Variants in ENOX1 observed in about 807,000 individuals in gnomAD.
ENOX1 encodes candidate growth-related and time keeping constitutive hydroquinone (NADH) oxidase.
A neutral mutation model predicts 82.5 loss-of-function variants in ENOX1; 42 were observed. The ratio of observed to expected loss-of-function variants is 0.51; its 90% CI spans 0.40 to 0.66. ENOX1 has a LOEUF of 0.66. ENOX1 is among the 30% of genes least tolerant of loss of function. The pLI is 0.00. For missense variants in ENOX1, 608 were observed against 811.6 expected (o/e 0.75, Z 3.05); for synonymous variants, 271 against 282.2 (o/e 0.96, Z 0.40).
At chr13:43,235,895 G>A (rs1214539552) in intron 15 of ENOX1, among the ~76,000 whole-genome samples, 1 of 152,162 alleles carries the variant, frequency 6.6e-6, no homozygotes, top group Non-Finnish European at 1.5e-5. Flanking sequence ...CAGTGCCAAG[G>A]TGCAGCTTGA....
At chr13:43,350,827 G>A (rs542408688) in intron 8 of ENOX1, among the ~76,000 whole-genome samples, 54 of 152,230 alleles carry the variant, frequency 3.5e-4, no homozygotes, top group Non-Finnish European at 5.6e-4. Flanking sequence ...GAGCCAAGCC[G>A]GGAGCACTGA....
At position 43,416,199 on chromosome 13, in the gene ENOX1, C is replaced by T. The variant is rs1485793792; in HGVS notation, c.-74-3211G>A. 1.8e-3 allele frequency among the ~76,000 whole-genome samples: 222 copies of T among 122,010 alleles called. 7 individuals are homozygous for T. Among genetic ancestry groups the T allele is most frequent in the Middle Eastern group, 7.5e-3 (1 of 134 alleles). The allele number at this position is 122,010 out of a possible 152,430, so 80.0% of individuals were successfully genotyped here. ...ACAGAAGCGCTCCTCACATCCCAGA[C>T]GGGGCGGCTGGGCAGAGGCGCTCCT... On this transcript the variant is annotated intron_variant, in intron 3 of 16. Transcript: ENST00000690772.
At chr13:43,321,595 G>GTA (rs763335700) in intron 11 of ENOX1, among the ~76,000 whole-genome samples, 1 of 152,202 alleles carries the variant, frequency 6.6e-6, no homozygotes, top group Non-Finnish European at 1.5e-5. Context: ...TCTAACAGGT[G>GTA]TATGTTTTAT....
intron 1 of ENOX1, among the ~76,000 whole-genome samples, chr13:43,762,011 A>G (rs1364804631): frequency 6.6e-6 from 1 of 152,160 alleles, no homozygotes; most frequent in African/African-American, 2.4e-5. Flanking sequence ...TGGTACAAGG[A>G]GAAGGGTAAT....
At chr13:43,427,263 C>T (rs7990325) in intron 3 of ENOX1, among the ~76,000 whole-genome samples, 147,522 of 152,308 alleles carry the variant, frequency 0.97, 71,621 homozygotes, top group East Asian at 1. Flanking sequence ...GCTCCCTATA[C>T]AGCAGTCACT....
At chr13:43,503,407 A>G (rs1282588951) in intron 2 of ENOX1, among the ~76,000 whole-genome samples, 2 of 151,930 alleles carry the variant, frequency 1.3e-5, no homozygotes, top group East Asian at 3.9e-4. Context: ...ATATGAAACC[A>G]TAAAAGACCC....
At chr13:43,291,321 A>G (rs1593742341) in intron 12 of ENOX1, among the ~76,000 whole-genome samples, 1 of 152,314 alleles carries the variant, frequency 6.6e-6, no homozygotes. Flanking sequence ...GCTCTGGACC[A>G]TTAGTCCTGC....
intron 3 of ENOX1, among the ~76,000 whole-genome samples, chr13:43,463,182 T>A (rs1489834873): frequency 8.6e-6 from 1 of 115,882 alleles, no homozygotes; most frequent in African/African-American, 3.4e-5. Flanking sequence ...GCATCTAACC[T>A]TTATACACAC....
At chr13:43,613,888 C>T (rs1328036893) in intron 2 of ENOX1, among the ~76,000 whole-genome samples, 1 of 152,028 alleles carries the variant, frequency 6.6e-6, no homozygotes, top group African/African-American at 2.4e-5. Flanking sequence ...CCGCCGAGAT[C>T]ATGCCACTGC....
chr13:43,776,910 T>C (rs1424222913), intron 1 of ENOX1, among the ~76,000 whole-genome samples: 1 of 151,902 alleles, frequency 6.6e-6, no homozygotes. Context: ...GCCAGCTGAC[T>C]CAGAAATCTG....
chr13:43,619,846 T>C (rs950319544), intron 2 of ENOX1, among the ~76,000 whole-genome samples: 2 of 152,170 alleles, frequency 1.3e-5, no homozygotes, highest in African/African-American at 4.8e-5. Context: ...CTTCTTTGAA[T>C]GCCTGGTAGA....
intron 1 of ENOX1, among the ~76,000 whole-genome samples, chr13:43,708,053 C>A (rs1391498303): frequency 6.6e-6 from 1 of 151,976 alleles, no homozygotes; most frequent in African/African-American, 2.4e-5. Context: ...AGGCAGTTTC[C>A]CAGTAGATAG....
intron 1 of ENOX1, among the ~76,000 whole-genome samples, chr13:43,683,202 T>C (rs1428425145): frequency 6.6e-6 from 1 of 152,088 alleles, no homozygotes; most frequent in African/African-American, 2.4e-5. Flanking sequence ...AGCAATTATT[T>C]GGGGGTGAGC....
At chr13:43,692,195 G>A (rs1026179735) in intron 1 of ENOX1, among the ~76,000 whole-genome samples, 4 of 152,102 alleles carry the variant, frequency 2.6e-5, no homozygotes, top group South Asian at 2.1e-4. Flanking sequence ...GAAAAGCCAC[G>A]GATTCTGAAA....
intron 1 of ENOX1, among the ~76,000 whole-genome samples, chr13:43,726,482 G>A (rs562560957): frequency 6.6e-6 from 1 of 152,164 alleles, no homozygotes; most frequent in African/African-American, 2.4e-5. Context: ...CTCCCAAAGT[G>A]CTGGGATTAT....
intron 1 of ENOX1, among the ~76,000 whole-genome samples, chr13:43,736,447 C>G (rs1159421519): frequency 2.0e-5 from 3 of 152,060 alleles, no homozygotes; most frequent in African/African-American, 7.3e-5. Context: ...TAATTTGGCT[C>G]TGGAGATGGC....
At chr13:43,666,101 G>C (rs144887969) in intron 2 of ENOX1, among the ~76,000 whole-genome samples, 1 of 152,000 alleles carries the variant, frequency 6.6e-6, no homozygotes, top group African/African-American at 2.4e-5. Context: ...CCTTAATTTA[G>C]AAATCCTTTA....
chr13:43,419,877 A>G (rs1287475419), intron 3 of ENOX1, among the ~76,000 whole-genome samples: 1 of 152,132 alleles, frequency 6.6e-6, no homozygotes, highest in African/African-American at 2.4e-5. Flanking sequence ...AGGCTGAGGC[A>G]GGAGAATGGC....
intron 3 of ENOX1, among the ~76,000 whole-genome samples, chr13:43,417,944 C>G (rs556523216): frequency 6.6e-6 from 1 of 152,176 alleles, no homozygotes; most frequent in Non-Finnish European, 1.5e-5. Context: ...TGCGGTGACT[C>G]ACACCTGTAA....
Sources: gnomAD v4.1 joint callset for allele counts (sites outside exome capture counted in the v4.1 genomes callset) on GRCh38, gnomAD v4.1.1 for gene constraint, MANE v1.5 for transcripts, NCBI Gene and HGNC (gene_info 2026-07-23, HGNC 2026-07-21) for gene names.